Variants in COMMD10 observed in about 807,000 individuals in gnomAD.
COMMD10 encodes the protein COMM domain-containing protein 10.
Under a neutral mutation model 28.9 loss-of-function variants are expected in COMMD10, and 33 were observed. The ratio of observed to expected loss-of-function variants is 1.14; its 90% CI spans 0.87 to 1.53. The LOEUF (loss-of-function observed/expected upper bound fraction) is 1.53. Ranked by LOEUF, COMMD10 falls within the 40% of genes most tolerant of loss-of-function variation. The probability of loss-of-function intolerance (pLI) is 0.00; values close to 1 mark genes in which losing one functional copy is unlikely to be tolerated. For missense variants in COMMD10, 310 were observed against 233.4 expected (o/e 1.33, Z -2.14); for synonymous variants, 110 against 81.7 (o/e 1.35, Z -1.87).
intron 5 of COMMD10, among the ~76,000 whole-genome samples, chr5:116,237,721 C>T (rs1012638276): frequency 2.0e-5 from 3 of 152,134 alleles, no homozygotes; most frequent in African/African-American, 7.2e-5. Flanking sequence ...TATCTTTAAT[C>T]TGCTTTTTAT....
intron 5 of COMMD10, among the ~76,000 whole-genome samples, chr5:116,277,689 C>G (rs1750956396): frequency 6.6e-6 from 1 of 151,848 alleles, no homozygotes; most frequent in Non-Finnish European, 1.5e-5. Flanking sequence ...CTTCCATTCA[C>G]TGATAAGAAG....
chr5:116,123,491 T>G (rs1751513513), intron 4 of COMMD10, among the ~76,000 whole-genome samples: 1 of 152,226 alleles, frequency 6.6e-6, no homozygotes, highest in Non-Finnish European at 1.5e-5. Flanking sequence ...TTGAGGATTT[T>G]TGCATCAATG....
At chr5:116,164,868 C>A (rs560452210) in intron 5 of COMMD10, among the ~76,000 whole-genome samples, 5 of 151,994 alleles carry the variant, frequency 3.3e-5, no homozygotes, top group Non-Finnish European at 7.4e-5. Context: ...GTGCCCTTGG[C>A]AAGGAGGATG....
At chr5:116,262,285 A>G (rs938910236) in intron 5 of COMMD10, among the ~76,000 whole-genome samples, 1 of 151,772 alleles carries the variant, frequency 6.6e-6, no homozygotes, top group Non-Finnish European at 1.5e-5. Flanking sequence ...AGTATCAGTT[A>G]AAAATATAGT....
chr5:116,287,535 C>T (rs1253233090), intron 5 of COMMD10, among the ~76,000 whole-genome samples: 1 of 151,652 alleles, frequency 6.6e-6, no homozygotes, highest in Non-Finnish European at 1.5e-5. Context: ...AGTTAACCAG[C>T]CTGTATCTTT....
At chr5:116,278,995 A>C (rs1204388273) in intron 5 of COMMD10, among the ~76,000 whole-genome samples, 3 of 151,708 alleles carry the variant, frequency 2.0e-5, no homozygotes, top group Admixed American at 6.6e-5. Context: ...TTTTTCCTTC[A>C]GGGGAAAAAT....
At chr5:116,223,116 G>C (rs186698813) in intron 5 of COMMD10, among the ~76,000 whole-genome samples, 1 of 152,008 alleles carries the variant, frequency 6.6e-6, no homozygotes, top group East Asian at 1.9e-4. Context: ...CTTTGAAGTT[G>C]CTATTTTTCA....
chr5:116,149,061 C>G (rs1293770941), intron 5 of COMMD10, among the ~76,000 whole-genome samples: 1 of 136,652 alleles, frequency 7.3e-6, no homozygotes, highest in Admixed American at 8.4e-5. Context: ...TCCATGTGTT[C>G]TCATTGTTCA....
intron 5 of COMMD10, among the ~76,000 whole-genome samples, chr5:116,261,033 T>C (rs1750428840): frequency 6.6e-6 from 1 of 151,764 alleles, no homozygotes; most frequent in Non-Finnish European, 1.5e-5. Context: ...TCTCTTTTAC[T>C]TTTTTCTAGT....
chr5:116,173,163 T>C (rs1753394293), intron 5 of COMMD10, among the ~76,000 whole-genome samples: 2 of 152,138 alleles, frequency 1.3e-5, no homozygotes, highest in Admixed American at 1.3e-4. Context: ...CTGCCTGTTG[T>C]TTCATATTTA....
chr5:116,167,990 A>C (rs7700647), intron 5 of COMMD10, among the ~76,000 whole-genome samples: 48,481 of 150,360 alleles, frequency 0.32, 11,097 homozygotes, highest in African/African-American at 0.66. Flanking sequence ...CAATAATTAA[A>C]CTTAAATGTA....
At chr5:116,260,678 T>G (rs1750419231) in intron 5 of COMMD10, among the ~76,000 whole-genome samples, 1 of 151,824 alleles carries the variant, frequency 6.6e-6, no homozygotes, top group African/African-American at 2.4e-5. Context: ...TACAAGAAAA[T>G]TAATGGTCTT....
chr5:116,249,873 A>T (rs1412180089), intron 5 of COMMD10, among the ~76,000 whole-genome samples: 1 of 151,934 alleles, frequency 6.6e-6, no homozygotes, highest in African/African-American at 2.4e-5. Context: ...CAATGACAGT[A>T]AAGTAATAAA....
chr5:116,140,659 T>A (rs574422920), intron 5 of COMMD10, among the ~76,000 whole-genome samples: 3 of 152,072 alleles, frequency 2.0e-5, no homozygotes, highest in Admixed American at 6.6e-5. Context: ...TTGTTTGCAT[T>A]TCCCTAATGG....
At chr5:116,168,470 G>C in intron 5 of COMMD10, among the ~76,000 whole-genome samples, 1 of 152,032 alleles carries the variant, frequency 6.6e-6, no homozygotes, top group East Asian at 1.9e-4. Context: ...ACTCAGCGCT[G>C]GACCAAGCAG....
In COMMD10 at chr5:116,092,537, T is replaced by C; in HGVS notation, c.244-8T>C. On this transcript the variant is annotated splice_region_variant and splice_polypyrimidine_tract_variant and intron_variant, in intron 3 of 6. Coordinates refer to ENST00000274458, the MANE Select transcript of COMMD10 (RefSeq NM_016144.4). ...GGACATATGTAATTTTTTGTTTCTTTTTAATAGGCAGTGTATCACAATGTG... is the reference window on the plus strand; with the variant it reads ...GGACATATGTAATTTTTTGTTTCTTCTTAATAGGCAGTGTATCACAATGTG... The C allele has an allele frequency of 6.5e-7, 1 of 1,541,728 alleles. No individual in the cohort carries two copies. The highest frequency in any genetic ancestry group is 1.3e-5 in the South Asian group (1 of 78,482).
intron 5 of COMMD10, among the ~76,000 whole-genome samples, chr5:116,168,910 GT>G (rs1278426423): frequency 6.6e-6 from 1 of 152,056 alleles, no homozygotes; most frequent in Non-Finnish European, 1.5e-5. Flanking sequence ...TACCATCACA[GT>G]TAAAAGAACC....
At chr5:116,286,860 C>A (rs1032295179) in intron 5 of COMMD10, among the ~76,000 whole-genome samples, 1 of 151,718 alleles carries the variant, frequency 6.6e-6, no homozygotes, top group Non-Finnish European at 1.5e-5. Flanking sequence ...CCGTATATGT[C>A]TGTTAGGTCT....
At chr5:116,212,863 T>G (rs1749003984) in intron 5 of COMMD10, among the ~76,000 whole-genome samples, 1 of 152,048 alleles carries the variant, frequency 6.6e-6, no homozygotes, top group Admixed American at 6.6e-5. Flanking sequence ...TAAAATTACT[T>G]GTTCTGGGGT....
Sources: allele counts gnomAD v4.1 joint callset (sites outside exome capture counted in the v4.1 genomes callset), GRCh38; gene constraint gnomAD v4.1.1; transcripts MANE v1.5; gene names NCBI Gene and HGNC (gene_info 2026-07-23, HGNC 2026-07-21).